Variants in NIPAL3 observed in about 807,000 individuals in gnomAD.
The protein encoded by NIPAL3 is NIPA like domain containing 3.
A neutral mutation model predicts 47.2 loss-of-function variants in NIPAL3; 41 were observed. The observed-to-expected ratio is 0.87, with a 90% CI of 0.68 to 1.13. The LOEUF (loss-of-function observed/expected upper bound fraction) is 1.13. Among genes scored for constraint, NIPAL3 ranks in the 50% most tolerant of loss-of-function variants. NIPAL3 has a pLI of 0.00. For synonymous variants in NIPAL3, 194 were observed against 209.6 expected (o/e 0.93, Z 0.64); for missense variants, 449 against 530.1 (o/e 0.85, Z 1.50).
intron 4 of NIPAL3, among the ~76,000 whole-genome samples, chr1:24,442,988 C>A (rs966993590): frequency 1.9e-4 from 29 of 152,080 alleles, no homozygotes; most frequent in Non-Finnish European, 3.8e-4. Context: ...ACAAATTAAG[C>A]TTTTGTAGGG....
chr1:24,444,516 G>C (rs1645562118), intron 4 of NIPAL3, among the ~76,000 whole-genome samples: 1 of 152,162 alleles, frequency 6.6e-6, no homozygotes, highest in African/African-American at 2.4e-5. Context: ...CTATGAGCTG[G>C]TGCCAGCTGG....
chr1:24,419,734 C>T, intron 2 of NIPAL3, 94 bp downstream of exon 2: 1 of 1,070,268 alleles, frequency 9.3e-7, no homozygotes, highest in Non-Finnish European at 1.4e-6. Flanking sequence ...ATGGGGTCTG[C>T]ATGCCTGTCA....
At chr1:24,430,047 A>G (rs1397683204) in intron 2 of NIPAL3, among the ~76,000 whole-genome samples, 1 of 152,230 alleles carries the variant, frequency 6.6e-6, no homozygotes, top group African/African-American at 2.4e-5. Flanking sequence ...AATGAGAAGA[A>G]TAAGACTTTC....
chr1:24,465,807 GGTA>G, intron 11 of NIPAL3: 1 of 656,758 alleles, frequency 1.5e-6, no homozygotes, highest in Non-Finnish European at 2.3e-6. Flanking sequence ...TCTGGGACAT[GGTA>G]GATGCCTGGT....
intron 2 of NIPAL3, among the ~76,000 whole-genome samples, chr1:24,422,449 CA>C (rs1177817723): frequency 2.6e-5 from 4 of 152,130 alleles, no homozygotes; most frequent in Non-Finnish European, 5.9e-5. Flanking sequence ...CCTGCCTAAC[CA>C]CCTGAAATAC....
intron 1 of NIPAL3, among the ~76,000 whole-genome samples, chr1:24,417,316 C>T (rs750113097): frequency 3.9e-5 from 6 of 152,162 alleles, no homozygotes; most frequent in Non-Finnish European, 7.3e-5. Context: ...CTGGAGTTTG[C>T]GCTCCTCAAC....
chr1:24,440,248 T>G lies in NIPAL3; in HGVS notation c.162+8T>G, dbSNP rs766927373. The G allele has an allele frequency of 1.9e-6, 3 of 1,584,856 alleles. No individual in the cohort carries two copies. The highest frequency in any genetic ancestry group is 2.6e-6 in the Non-Finnish European group (3 of 1,166,338). ...ATTGCACTTAACCTCCAGGTAAGTTTCAGTTACCAGCACTGTCTGGGGACA... is the reference window on the plus strand; with the variant it reads ...ATTGCACTTAACCTCCAGGTAAGTTGCAGTTACCAGCACTGTCTGGGGACA... On this transcript the variant is annotated splice_region_variant and intron_variant, in intron 3 of 11. Coordinates refer to ENST00000374399, the MANE Select transcript of NIPAL3 (RefSeq NM_020448.5).
At chr1:24,428,459 G>A (rs1342826367) in intron 2 of NIPAL3, among the ~76,000 whole-genome samples, 3 of 152,168 alleles carry the variant, frequency 2.0e-5, no homozygotes, top group African/African-American at 4.8e-5. Context: ...CCTGACTCAT[G>A]TAAGGAAGGA....
At chr1:24,425,218 A>G (rs746244567) in intron 2 of NIPAL3, among the ~76,000 whole-genome samples, 10 of 152,236 alleles carry the variant, frequency 6.6e-5, no homozygotes, top group Non-Finnish European at 1.2e-4. Context: ...GGCGGGAGCT[A>G]TATAGATCAA....
At chr1:24,439,639 A>C (rs939497883) in intron 2 of NIPAL3, among the ~76,000 whole-genome samples, 1 of 152,136 alleles carries the variant, frequency 6.6e-6, no homozygotes, top group Non-Finnish European at 1.5e-5. Context: ...ATGTTTGGTA[A>C]TCATTTTAGA....
In NIPAL3 at chr1:24,454,448, T is replaced by G. The variant is rs975640886; in HGVS notation, c.637+944T>G. The G allele has an allele frequency of 6.0e-6, 6 of 996,894 alleles. No individual in the cohort carries two copies. Among genetic ancestry groups the G allele is most frequent in the Non-Finnish European group, 7.2e-6 (6 of 836,764 alleles). 61.8% of individuals were successfully genotyped at this position (996,894 alleles called of 1,614,324 possible). ...ATGAGATGTGCACAGGTGGCTAATA[T>G]GTGCATTTTTCTTCCAACCTTCCTA... On this transcript the variant is annotated intron_variant, in intron 7 of 11. Coordinates refer to ENST00000374399, the MANE Select transcript of NIPAL3 (RefSeq NM_020448.5). This position sits in a 1 kb window ranked among gnomAD's most constrained non-coding sequence, Gnocchi z 4.1.
Position 24,419,608 on chromosome 1 carries a change from A to G in NIPAL3, c.61A>G (p.Ser21Gly), listed in dbSNP as rs761097882. 33 of 1,614,106 alleles carry G rather than the reference A, an allele frequency of 2.0e-5. No individual in the cohort carries two copies. Among genetic ancestry groups the G allele is most frequent in the Non-Finnish European group, 2.7e-5 (32 of 1,179,990 alleles). Reference protein sequence around the residue: ...LQQLPPTSSSSAVSEASFSYK... With the variant: ...LQQLPPTSSSGAVSEASFSYK... Reference sequence around the variant, plus strand: ...GCAGCTGCCTCCCACAAGTAGCTCCAGCGCCGTAAGCGAGGCCTCCTTCTC... The same window carrying G: ...GCAGCTGCCTCCCACAAGTAGCTCCGGCGCCGTAAGCGAGGCCTCCTTCTC... The change falls in exon 2 of 12, where the codon AGC becomes GGC. Residue 21 changes from serine to glycine, a missense_variant. Coordinates refer to ENST00000374399, the MANE Select transcript of NIPAL3 (RefSeq NM_020448.5).
chr1:24,460,639 C>A, intron 10 of NIPAL3, 95 bp downstream of exon 10: 1 of 1,012,554 alleles, frequency 9.9e-7, no homozygotes, highest in Non-Finnish European at 1.4e-6. Context: ...GCCGCCCCAT[C>A]CTTTAGAGTC....
intron 4 of NIPAL3, 62 bp downstream of exon 4, chr1:24,442,288 G>C (rs4648863): frequency 0.63 from 986,005 of 1,565,008 alleles, 314,699 homozygotes; most frequent in African/African-American, 0.88. Flanking sequence ...CAGAGTGCCA[G>C]CGCCAGGATC....
intron 6 of NIPAL3, among the ~76,000 whole-genome samples, chr1:24,453,041 C>T (rs1263901575): frequency 1.3e-5 from 2 of 151,988 alleles, no homozygotes; most frequent in Non-Finnish European, 2.9e-5. Context: ...CAAGTGTCTC[C>T]CTCTTGGACC....
chr1:24,458,017 T>C (rs2148846795), intron 8 of NIPAL3, among the ~76,000 whole-genome samples: 1 of 152,348 alleles, frequency 6.6e-6, no homozygotes, highest in Non-Finnish European at 1.5e-5. Context: ...AAGGAGCTAC[T>C]CATTCCCTAG....
chr1:24,470,096 C>T lies in NIPAL3; in HGVS notation c.*911C>T, dbSNP rs954645949. On this transcript the variant is annotated 3_prime_UTR_variant, in exon 12 of 12. Transcript: ENST00000374399. ...TTTCAGAGACAGCCTCTTCACCTGT[C>T]CTCCGTCTCTCCATTACAGAGCCAC... 5 of 152,212 alleles carry T rather than the reference C, an allele frequency of 3.3e-5. No individual in the cohort carries two copies. Among genetic ancestry groups the T allele is most frequent in the African/African-American group, 1.2e-4 (5 of 41,446 alleles). The allele number at this position is 152,212 out of a possible 1,614,324, so 9.4% of individuals were successfully genotyped here.
chr1:24,458,743 G>A, intron 8 of NIPAL3, 145 bp from the exon 9 acceptor site: 3 of 641,822 alleles, frequency 4.7e-6, no homozygotes, highest in East Asian at 2.9e-5. Context: ...ACAATGTCCT[G>A]TAACATGAGG....
Position 24,456,146 on chromosome 1 carries a change from A to T in NIPAL3, c.646A>T (p.Thr216Ser). The T allele has an allele frequency of 6.2e-7, 1 of 1,614,176 alleles. No individual in the cohort carries two copies. Among genetic ancestry groups the T allele is most frequent in the Non-Finnish European group, 8.5e-7 (1 of 1,180,026 alleles). ...LLLVALLGSMTVVTVKAVAGM... is the reference protein window; with the variant it reads ...LLLVALLGSMSVVTVKAVAGM... Reference sequence around the variant, plus strand: ...TTGTCTCCCATCTGCAGGCTCCATGACAGTGGTGACAGTCAAGGCCGTGGC... The same window carrying T: ...TTGTCTCCCATCTGCAGGCTCCATGTCAGTGGTGACAGTCAAGGCCGTGGC... Residue 216 changes from threonine (T) to serine (S), a missense_variant, in exon 8 of 12, where the codon ACA (threonine) becomes TCA (serine). Thr to Ser is a moderately conservative substitution (Grantham distance 58, BLOSUM62 1). Coordinates refer to ENST00000374399, the MANE Select transcript of NIPAL3 (RefSeq NM_020448.5).
Sources: gnomAD v4.1 joint callset for allele counts (sites outside exome capture counted in the v4.1 genomes callset) on GRCh38, gnomAD v4.1.1 for gene constraint, Gnocchi (gnomAD v3.1) non-coding constraint, MANE v1.5 for transcripts, NCBI Gene and HGNC (gene_info 2026-07-23, HGNC 2026-07-21) for gene names.